Variants in ATM observed in about 807,000 individuals in gnomAD.
ATM encodes ATM serine/threonine kinase, also known as serine-protein kinase ATM.
Under a neutral mutation model 387.0 loss-of-function variants are expected in ATM, and 308 were observed. That is an observed-to-expected ratio of 0.80 (90% CI 0.73 to 0.87). ATM has a LOEUF of 0.87. Among genes scored for constraint, ATM ranks in the 40% least tolerant of loss-of-function variants. The pLI is 0.00. For synonymous variants in ATM, 1,156 were observed against 1,187.3 expected (o/e 0.97, Z 0.54); for missense variants, 3,312 against 3,560.9 (o/e 0.93, Z 1.78).
intron 5 of ATM, among the ~76,000 whole-genome samples, chr11:108,238,563 A>T (rs540183103): frequency 6.6e-6 from 1 of 152,156 alleles, no homozygotes; most frequent in African/African-American, 2.4e-5. Flanking sequence ...TTGATTTTCA[A>T]ATTGTTCAAT....
intron 32 of ATM, chr11:108,296,970 G>A: frequency 6.0e-6 from 2 of 333,684 alleles, no homozygotes; most frequent in South Asian, 5.4e-5. Flanking sequence ...GGCTCCCAAA[G>A]TCCCTTCTAG....
At chr11:108,229,135 A>G in intron 3 of ATM, 43 bp from the exon 4 acceptor site, 1 of 1,571,382 alleles carries the variant, frequency 6.4e-7, no homozygotes. Flanking sequence ...TTATAATTTA[A>G]GTATTCAACG....
At chr11:108,331,010 AAAT>A (rs1343523440) in intron 50 of ATM, among the ~76,000 whole-genome samples, 4 of 152,200 alleles carry the variant, frequency 2.6e-5, no homozygotes, top group Non-Finnish European at 4.4e-5. Context: ...TCCTGCAGGA[AAAT>A]AATAAGACTC....
rs2136306738 is a variant in ATM, at chr11:108,325,312, C to G, written c.6575C>G (p.Ser2192Ter). Residue 2192 changes from serine to a stop codon, truncating the protein, a stop_gained and splice_region_variant, in exon 46 of 63, where the codon TCA becomes TGA. Transcript: ENST00000675843. LOFTEE classifies it high-confidence loss of function. ...GAACTCTATGTCGTGGCATTCAGAT[C>G]AGTCACACATAGACAACTCTCTGAA... The part of the protein sequence containing the change: ...LESIGELFSR[S>*]VTHRQLSEVY... The G allele has an allele frequency of 7.3e-7, 1 of 1,362,238 alleles. No homozygotes were observed. Among genetic ancestry groups the G allele is most frequent in the African/African-American group, 1.5e-5 (1 of 64,904 alleles). The allele number at this position is 1,362,238 out of a possible 1,614,324, so 84.4% of individuals were successfully genotyped here. A position where few individuals can be genotyped will look rare whatever the true frequency, so the allele number is the denominator to read the frequency against.
rs2091402306 is a variant in ATM at position 108,367,614 on chromosome 11, G to C, written c.*2106G>C. ...AAATGGGTGATTGAGCTTTCTCCTC[G>C]TATTTGGACCTTGAAGGTTATATAA... On this transcript the variant is annotated 3_prime_UTR_variant, in exon 63 of 63. Transcript: ENST00000675843. The C allele has an allele frequency of 4.8e-6, 1 of 208,262 alleles. No individual in the cohort carries two copies. The highest frequency in any genetic ancestry group is 5.9e-5 in the Admixed American group (1 of 16,910). 12.9% of individuals were successfully genotyped at this position (208,262 alleles called of 1,614,324 possible).
chr11:108,237,899 G>GTTTTTTTTTTTTTTTTTTTTTTTTTTC (rs369161623), intron 5 of ATM, among the ~76,000 whole-genome samples: 1 of 92,046 alleles, frequency 1.1e-5, no homozygotes, highest in Non-Finnish European at 2.0e-5. Context: ...ATTTACTTAG[G>GTTTTTTTTTTTTTTTTTTTTTTTTTTC]TTTTTTTTTT....
rs34640941 is a variant in ATM, at chr11:108,289,789, A to G, written c.4424A>G (p.Tyr1475Cys). Reference sequence around the variant, plus strand: ...GACGTTATTTATACTTTGATTCACTATATCAACCAAAGGTAAATAACATAT... The same window carrying G: ...GACGTTATTTATACTTTGATTCACTGTATCAACCAAAGGTAAATAACATAT... ...LRDVIYTLIH[Y>C]INQRPSCIMD... The change falls in exon 29 of 63, where the codon TAT (tyrosine) becomes TGT (cysteine). Residue 1475 changes from tyrosine (Y) to cysteine (C), a missense_variant. Physicochemically the swap from Tyr to Cys is radical, Grantham distance 194. Around this residue, in one of 4 missense-constraint regions of ATM, gnomAD observed 1,791 missense variants for 1,804.5 expected, o/e 0.99. Transcript: ENST00000675843. The G allele has an allele frequency of 9.7e-4, 1,571 of 1,612,680 alleles. 1 individual carries two copies. Among genetic ancestry groups the G allele is most frequent in the Non-Finnish European group, 1.2e-3 (1,439 of 1,179,594 alleles).
chr11:108,229,495 G>T, intron 4 of ATM, 172 bp downstream of exon 4: 2 of 647,594 alleles, frequency 3.1e-6, no homozygotes, highest in East Asian at 3.1e-5. Flanking sequence ...TTATTAAAAG[G>T]TTTTTTTTTA....
At position 108,339,204 on chromosome 11, in the gene ATM, G is replaced by A. The variant is rs553407932; in HGVS notation, c.8268+3243G>A. On this transcript the variant is annotated intron_variant, in intron 56 of 62. Coordinates refer to ENST00000675843, the MANE Select transcript of ATM (RefSeq NM_000051.4). Reference sequence around the variant, plus strand: ...TTTTTCTCCACCAAAACTATGCATTGTTACAAAGTATACTGAACAAGTCTA... The same window carrying A: ...TTTTTCTCCACCAAAACTATGCATTATTACAAAGTATACTGAACAAGTCTA... Among the ~76,000 whole-genome samples the A allele has an allele frequency of 1.6e-4, 25 of 152,286 alleles. No individual in the cohort carries two copies. The South Asian group carries it at 5.0e-3, about 30-fold the overall frequency.
intron 1 of ATM, chr11:108,226,687 T>C (rs914257267): frequency 2.0e-5 from 3 of 151,964 alleles, no homozygotes; most frequent in Admixed American, 6.6e-5. Context: ...AAATGACATG[T>C]CTCTCCATAT....
At chr11:108,316,883 G>A (rs1591785244) in intron 42 of ATM, among the ~76,000 whole-genome samples, 5 of 151,544 alleles carry the variant, frequency 3.3e-5, no homozygotes, top group East Asian at 3.9e-4. Flanking sequence ...CCGAGATCGC[G>A]CCACTGCACT....
In ATM at chr11:108,289,153, T is replaced by TA. The variant is rs755097361; in HGVS notation, c.4236+57dup. ...AATAGAACATTCCTTCTTTTTTAGC[T>TA]AAAAAAACTTTGTAAATACATCTTA... On this transcript the variant is annotated intron_variant, in intron 28 of 62. Coordinates refer to ENST00000675843, the MANE Select transcript of ATM (RefSeq NM_000051.4). 1.3e-5 allele frequency: 20 copies of TA among 1,542,952 alleles called. No homozygotes were observed. The East Asian group carries it at 1.4e-4, about 11-fold the overall frequency.
At position 108,256,259 on chromosome 11, in the gene ATM, G is replaced by C. The variant is rs878853491; in HGVS notation, c.2169G>C (p.Val723=). Reference sequence around the variant, plus strand: ...TTGTCCGGTGTTCACGTCTTTTGGTGGGTGTCCTTGGCTGCTACTGTTACA... The same window carrying C: ...TTGTCCGGTGTTCACGTCTTTTGGTCGGTGTCCTTGGCTGCTACTGTTACA... The part of the protein sequence containing the change: ...ETLVRCSRLL[V]GVLGCYCYMG... The change falls in exon 14 of 63, where the codon GTG becomes GTC. Residue 723 remains valine, a synonymous_variant. Coordinates refer to ENST00000675843, the MANE Select transcript of ATM (RefSeq NM_000051.4). The C allele has an allele frequency of 1.9e-6, 3 of 1,610,268 alleles. No individual in the cohort carries two copies. The Middle Eastern group carries it at 5.0e-4, about 267-fold the overall frequency.
rs1299212920 is a variant in ATM, at chr11:108,227,556, A to G, written c.-30-39A>G. 2.4e-6 allele frequency: 3 copies of G among 1,253,816 alleles called. 1 individual carries two copies. Among genetic ancestry groups the G allele is most frequent in the Middle Eastern group, 4.5e-4 (2 of 4,448 alleles). 77.7% of individuals were successfully genotyped at this position (1,253,816 alleles called of 1,614,324 possible). On this transcript the variant is annotated intron_variant, in intron 1 of 62. Coordinates refer to ENST00000675843, the MANE Select transcript of ATM (RefSeq NM_000051.4). ...TCTTTCTCTCTATATATGCATATAT[A>G]CATATACATATATATACCTATATGT...
In ATM at chr11:108,248,962, G is replaced by C. The variant is rs2135290885; in HGVS notation, c.1095G>C (p.Glu365Asp). 1 of 1,611,400 alleles carries C rather than the reference G, an allele frequency of 6.2e-7. No individual in the cohort carries two copies. Among genetic ancestry groups the C allele is most frequent in the Non-Finnish European group, 8.5e-7 (1 of 1,178,324 alleles). The change falls in exon 9 of 63, where the codon GAG becomes GAC. Residue 365 changes from glutamate to aspartate, a missense_variant. Physicochemically the swap from Glu to Asp is conservative, Grantham distance 45 (BLOSUM62 2). Around this residue, in one of 4 missense-constraint regions of ATM, gnomAD observed 1,791 missense variants for 1,804.5 expected, o/e 0.99. Coordinates refer to ENST00000675843, the MANE Select transcript of ATM (RefSeq NM_000051.4). ...QVFNEDTRSL[E>D]ISQSYTTTQR... ...TTAATGAAGATACCAGATCCTTGGA[G>C]ATTTCTCAATCTTACACTACTACAC...
At chr11:108,273,810 A>G (rs1472763517) in intron 22 of ATM, among the ~76,000 whole-genome samples, 1 of 152,192 alleles carries the variant, frequency 6.6e-6, no homozygotes, top group East Asian at 1.9e-4. Flanking sequence ...ATCGATGTTC[A>G]TCACGGATAA....
chr11:108,362,699 A>G (rs2090916723), intron 61 of ATM, among the ~76,000 whole-genome samples: 1 of 148,146 alleles, frequency 6.8e-6, no homozygotes, highest in Non-Finnish European at 1.5e-5. Context: ...TATCGCAAGA[A>G]CAAAAAACCA....
At chr11:108,335,167 T>G (rs757888970) in intron 55 of ATM, 58 bp downstream of exon 55, 3 of 1,611,002 alleles carry the variant, frequency 1.9e-6, no homozygotes, top group Non-Finnish European at 2.5e-6. Context: ...AATTTTTAGT[T>G]CATATTTTCT....
intron 38 of ATM, chr11:108,308,571 G>A (rs1022337668): frequency 2.6e-5 from 5 of 191,104 alleles, no homozygotes; most frequent in African/African-American, 9.5e-5. Flanking sequence ...TGGTCTGACT[G>A]ATGAGTACTG....
Sources: gnomAD v4.1 joint callset for allele counts (sites outside exome capture counted in the v4.1 genomes callset) on GRCh38, gnomAD v4.1.1 for gene constraint, gnomAD v4.1.1 regional missense constraint, MANE v1.5 for transcripts, NCBI Gene and HGNC (gene_info 2026-07-23, HGNC 2026-07-21) for gene names.